ABCA3: variants seen among roughly 807,000 people sequenced by gnomAD.
The protein encoded by ABCA3 is ATP binding cassette subfamily A member 3, also known as phospholipid-transporting ATPase ABCA3.
In ABCA3, 88 loss-of-function variants were observed where a neutral mutation model predicts 172.8. The observed-to-expected ratio is 0.51, with a 90% CI of 0.43 to 0.61. The LOEUF is 0.61. Ranked by LOEUF, ABCA3 falls within the 20% of genes least tolerant of loss-of-function variation. The pLI is 0.00. For missense variants in ABCA3, 2,164 were observed against 2,301.0 expected, an observed-to-expected ratio of 0.94 and a Z score of 1.22; for synonymous variants, 1,066 against 983.8, an observed-to-expected ratio of 1.08 and a Z score of -1.56.
At chr16:2,328,826 G>A (rs1271551174) in intron 2 of ABCA3, 69 bp from the exon 3 acceptor site, 2 of 201,528 alleles carry the variant, frequency 9.9e-6, no homozygotes, top group Non-Finnish European at 1.1e-5. Flanking sequence ...AACAATTAGC[G>A]AGTCATTCCT....
intron 1 of ABCA3, among the ~76,000 whole-genome samples, chr16:2,337,633 G>A (rs924773732): frequency 4.0e-5 from 6 of 149,250 alleles, no homozygotes; most frequent in African/African-American, 1.0e-4. Flanking sequence ...TGATCCTCCC[G>A]CCTTGGCCTC....
chr16:2,308,753 T>C, intron 10 of ABCA3, 130 bp from the exon 11 acceptor site: 1 of 1,039,824 alleles, frequency 9.6e-7, no homozygotes, highest in Non-Finnish European at 1.4e-6. Flanking sequence ...ACTTGCCATC[T>C]ACACGGGACA....
intron 13 of ABCA3, 63 bp downstream of exon 13, chr16:2,299,942 G>A: frequency 6.2e-7 from 1 of 1,603,680 alleles, no homozygotes. Context: ...TCACTGCCGT[G>A]CTGGTAAGTC....
At position 2,285,606 on chromosome 16, in the gene ABCA3, C is replaced by T. The variant is rs140114428; in HGVS notation, c.3319G>A (p.Ala1107Thr). The T allele has an allele frequency of 1.2e-5, 18 of 1,557,182 alleles. No individual in the cohort carries two copies. Among genetic ancestry groups the T allele is most frequent in the Admixed American group, 1.9e-5 (1 of 51,560 alleles). Reference sequence around the variant, plus strand: ...AACGTGCTGGCCAAGAATGCCATGGCGAAGAGCAGGTTGAGGGCAATGTCG... The same window carrying T: ...AACGTGCTGGCCAAGAATGCCATGGTGAAGAGCAGGTTGAGGGCAATGTCG... Reference protein sequence around the residue: ...GFDIALNLLFAMAFLASTFSI... With the variant: ...GFDIALNLLFTMAFLASTFSI... The change falls in exon 23 of 33, where the codon GCC (alanine) becomes ACC (threonine). Residue 1107 changes from alanine to threonine, a missense_variant. Physicochemically the swap from Ala to Thr is moderately conservative, Grantham distance 58. Transcript: ENST00000301732. The surrounding 1 kb of genome is among the most constrained non-coding windows in gnomAD (Gnocchi z 4.7).
At chr16:2,303,173 A>T (rs1784305526) in intron 12 of ABCA3, among the ~76,000 whole-genome samples, 1 of 152,040 alleles carries the variant, frequency 6.6e-6, no homozygotes, top group African/African-American at 2.4e-5. Context: ...TAGAGAGGGA[A>T]ACCCAGCAAA....
At chr16:2,282,575 GCACCCC>G (rs1425981742) in intron 26 of ABCA3, among the ~76,000 whole-genome samples, 8 of 152,182 alleles carry the variant, frequency 5.3e-5, no homozygotes, top group Admixed American at 2.0e-4. Flanking sequence ...AACACGTGGA[GCACCCC>G]TCAGCCCCAC....
Position 2,326,472 on chromosome 16 carries a change from T to G in ABCA3, c.-6A>C. ...AGCTGCCTGAGCACAGCCATCGTCT[T>G]GCTGAAAGGGACGCCCAGTGCTAGT... On this transcript the variant is annotated 5_prime_UTR_variant, in exon 4 of 33. Coordinates refer to ENST00000301732, the MANE Select transcript of ABCA3 (RefSeq NM_001089.3). 2 of 1,610,098 alleles carry G rather than the reference T, an allele frequency of 1.2e-6. No homozygotes were observed. The highest frequency in any genetic ancestry group is 1.7e-6 in the Non-Finnish European group (2 of 1,178,032).
intron 10 of ABCA3, among the ~76,000 whole-genome samples, chr16:2,308,937 C>T (rs1289974902): frequency 2.0e-5 from 3 of 152,112 alleles, no homozygotes; most frequent in Non-Finnish European, 4.4e-5. Context: ...CCCTGATTCC[C>T]GCCTAAGCCC....
intron 18 of ABCA3, 151 bp from the exon 19 acceptor site, chr16:2,292,389 C>T: frequency 1.5e-6 from 1 of 688,360 alleles, no homozygotes; most frequent in South Asian, 1.5e-5. Flanking sequence ...CACCTGAGAT[C>T]AGGAGTTCGA....
At chr16:2,315,291 C>T (rs1293745771) in intron 10 of ABCA3, among the ~76,000 whole-genome samples, 2 of 151,092 alleles carry the variant, frequency 1.3e-5, no homozygotes, top group Non-Finnish European at 2.9e-5. Context: ...AAATTCGAAC[C>T]GAAGACACAT....
At position 2,276,470 on chromosome 16, in the gene ABCA3, G is replaced by T; in HGVS notation, c.*204C>A. The T allele has an allele frequency of 1.1e-6, 1 of 905,620 alleles. No individual in the cohort carries two copies. The highest frequency in any genetic ancestry group is 1.7e-6 in the Non-Finnish European group (1 of 589,576). The allele number at this position is 905,620 out of a possible 1,614,324, so 56.1% of individuals were successfully genotyped here. A position where few individuals can be genotyped will look rare whatever the true frequency, so the allele number is the denominator to read the frequency against. On this transcript the variant is annotated 3_prime_UTR_variant, in exon 33 of 33. Coordinates refer to ENST00000301732, the MANE Select transcript of ABCA3 (RefSeq NM_001089.3). ...GGGAAAGTGAACTCCAGAGTATGCA[G>T]ACATGGAGATGCGCATGCTGATCCT...
intron 10 of ABCA3, among the ~76,000 whole-genome samples, chr16:2,315,095 GGA>G (rs1381663867): frequency 1.3e-5 from 2 of 151,144 alleles, no homozygotes; most frequent in Non-Finnish European, 2.9e-5. Context: ...GTGTTGGCCA[GGA>G]TGGTCTCAAT....
intron 1 of ABCA3, among the ~76,000 whole-genome samples, chr16:2,335,892 C>T (rs1428218243): frequency 6.6e-6 from 1 of 152,196 alleles, no homozygotes; most frequent in Non-Finnish European, 1.5e-5. Context: ...CTGGTCATTT[C>T]ATGGCTTAGT....
At chr16:2,301,886 A>C (rs2093690035) in intron 12 of ABCA3, among the ~76,000 whole-genome samples, 2 of 152,230 alleles carry the variant, frequency 1.3e-5, no homozygotes, top group African/African-American at 4.8e-5. Flanking sequence ...GGCCATAAAT[A>C]AAATCTCTGC....
intron 7 of ABCA3, 51 bp downstream of exon 7, chr16:2,323,472 C>T (rs780999639): frequency 1.2e-6 from 2 of 1,610,380 alleles, no homozygotes; most frequent in South Asian, 2.2e-5. Flanking sequence ...ATATGACTGT[C>T]ACTAGTCAAC....
chr16:2,276,468 C>T lies in ABCA3; in HGVS notation c.*206G>A. ...CTGGGAAAGTGAACTCCAGAGTATG[C>T]AGACATGGAGATGCGCATGCTGATC... On this transcript the variant is annotated 3_prime_UTR_variant, in exon 33 of 33. Coordinates refer to ENST00000301732, the MANE Select transcript of ABCA3 (RefSeq NM_001089.3). The T allele has an allele frequency of 1.1e-6, 1 of 900,472 alleles. No homozygotes were observed. Among genetic ancestry groups the T allele is most frequent in the Non-Finnish European group, 1.7e-6 (1 of 585,338 alleles). 55.8% of individuals were successfully genotyped at this position (900,472 alleles called of 1,614,324 possible). A position where few individuals can be genotyped will look rare whatever the true frequency, so the allele number is the denominator to read the frequency against.
At chr16:2,300,292 G>A (rs908467240) in intron 12 of ABCA3, 144 bp from the exon 13 acceptor site, 3 of 1,175,990 alleles carry the variant, frequency 2.6e-6, no homozygotes, top group African/African-American at 3.0e-5. Flanking sequence ...TACTCAGGGA[G>A]AGCCCCAGAG....
At chr16:2,319,461 GGC>G in intron 8 of ABCA3, 118 bp downstream of exon 8, 1 of 1,366,854 alleles carries the variant, frequency 7.3e-7, no homozygotes, top group East Asian at 2.5e-5. Context: ...CTCCAGCCTG[GGC>G]GACAGAGCGA....
rs1596833149 is a variant in ABCA3, at chr16:2,285,372, T to G, written c.3483+70A>C. On this transcript the variant is annotated intron_variant, in intron 23 of 32. Coordinates refer to ENST00000301732, the MANE Select transcript of ABCA3 (RefSeq NM_001089.3). This position sits in a 1 kb window ranked among gnomAD's most constrained non-coding sequence, Gnocchi z 4.7. ...GGGGCTGCCCAGCTGGTTCCGGTTC[T>G]GCACAGGGGTCCCAGGGCAAGCCCT... 2 of 1,536,196 alleles carry G rather than the reference T, an allele frequency of 1.3e-6. No individual in the cohort carries two copies. The highest frequency in any genetic ancestry group is 1.8e-6 in the Non-Finnish European group (2 of 1,136,306).
Sources: allele counts gnomAD v4.1 joint callset (sites outside exome capture counted in the v4.1 genomes callset), GRCh38; gene constraint gnomAD v4.1.1; non-coding constraint Gnocchi (gnomAD v3.1); transcripts MANE v1.5; gene names NCBI Gene and HGNC (gene_info 2026-07-23, HGNC 2026-07-21).